The following AK5 variants were observed in gnomAD, a reference collection of about 807,000 sequenced individuals.
AK5 encodes adenylate kinase isoenzyme 5.
AK5 carries 27 observed loss-of-function variants against 69.5 expected under a neutral mutation model. The observed-to-expected ratio is 0.39, with a 90% confidence interval of 0.29 to 0.54. AK5 has a LOEUF of 0.54. Among genes scored for constraint, AK5 ranks in the 20% least tolerant of loss-of-function variants. The probability of loss-of-function intolerance (pLI) is 0.71; values close to 1 mark genes in which losing one functional copy is unlikely to be tolerated. For synonymous variants in AK5, 260 were observed against 244.4 expected (o/e 1.06, Z -0.60); for missense variants, 531 against 700.4 (o/e 0.76, Z 2.73).
intron 8 of AK5, among the ~76,000 whole-genome samples, chr1:77,442,708 T>C (rs959425781): frequency 1.3e-5 from 2 of 152,198 alleles, no homozygotes; most frequent in Non-Finnish European, 2.9e-5. Context: ...TCTGTCTTTG[T>C]TGAGGGGACA....
chr1:77,285,289 A>G (rs915290255), intron 1 of AK5, among the ~76,000 whole-genome samples: 19 of 152,322 alleles, frequency 1.2e-4, no homozygotes, highest in African/African-American at 3.6e-4. Flanking sequence ...CTCAACTGCA[A>G]TGTGTGTGTA....
chr1:77,298,958 G>T (rs541319353), intron 5 of AK5, among the ~76,000 whole-genome samples: 1 of 152,216 alleles, frequency 6.6e-6, no homozygotes, highest in African/African-American at 2.4e-5. Flanking sequence ...TGAGAAATAG[G>T]AGTACTGTTA....
At chr1:77,401,629 G>T (rs1420454620) in intron 6 of AK5, among the ~76,000 whole-genome samples, 1 of 152,148 alleles carries the variant, frequency 6.6e-6, no homozygotes, top group Non-Finnish European at 1.5e-5. Context: ...GTGTCTCATA[G>T]ACATAACATT....
At chr1:77,461,159 G>A (rs1052285435) in intron 8 of AK5, among the ~76,000 whole-genome samples, 7 of 150,508 alleles carry the variant, frequency 4.7e-5, no homozygotes, top group Admixed American at 1.3e-4. Flanking sequence ...TCAGCCTCCC[G>A]AGTAGCTGAG....
At chr1:77,323,944 T>C (rs1018385881) in intron 5 of AK5, among the ~76,000 whole-genome samples, 5 of 152,168 alleles carry the variant, frequency 3.3e-5, no homozygotes, top group African/African-American at 9.7e-5. Flanking sequence ...TCTAAAAATA[T>C]CCTGTGAGAA....
intron 13 of AK5, among the ~76,000 whole-genome samples, chr1:77,542,496 A>G (rs1025671443): frequency 2.0e-4 from 30 of 152,084 alleles, no homozygotes; most frequent in Admixed American, 7.9e-4. Context: ...GTTACCTGGG[A>G]CTCTTCCCTG....
At chr1:77,321,445 G>A (rs868098889) in intron 5 of AK5, among the ~76,000 whole-genome samples, 14 of 151,966 alleles carry the variant, frequency 9.2e-5, no homozygotes, top group Non-Finnish European at 1.6e-4. Context: ...CTGCAGCATG[G>A]GCAATAGATA....
intron 8 of AK5, among the ~76,000 whole-genome samples, chr1:77,478,273 G>T (rs180718604): frequency 2.0e-5 from 3 of 152,282 alleles, no homozygotes; most frequent in African/African-American, 7.2e-5. Flanking sequence ...ATATGGTTTG[G>T]CTCTGTGTCC....
At chr1:77,436,019 T>C (rs1352433692) in intron 8 of AK5, among the ~76,000 whole-genome samples, 2 of 152,188 alleles carry the variant, frequency 1.3e-5, no homozygotes, top group Non-Finnish European at 2.9e-5. Flanking sequence ...CTTTTTAAAA[T>C]AACAAGTCAC....
At chr1:77,542,117 G>A (rs984325771) in intron 13 of AK5, among the ~76,000 whole-genome samples, 13 of 152,036 alleles carry the variant, frequency 8.6e-5, no homozygotes, top group Admixed American at 7.2e-4. Context: ...TCACAAGGTC[G>A]GCAGTTCGAG....
chr1:77,506,016 T>C (rs1477165940), intron 10 of AK5, among the ~76,000 whole-genome samples: 1 of 152,104 alleles, frequency 6.6e-6, no homozygotes, highest in Admixed American at 6.6e-5. Flanking sequence ...GGAAAAATGG[T>C]GTGTTTAAAA....
At chr1:77,332,356 T>C (rs1457121728) in intron 5 of AK5, among the ~76,000 whole-genome samples, 1 of 151,136 alleles carries the variant, frequency 6.6e-6, no homozygotes, top group African/African-American at 2.4e-5. Context: ...CTCTTTATCT[T>C]TTCTTCTTTC....
Position 77,468,855 on chromosome 1 carries a change from G to A in AK5, c.1060-14462G>A, listed in dbSNP as rs368536919. On this transcript the variant is annotated intron_variant, in intron 8 of 13. Coordinates refer to ENST00000354567, the MANE Select transcript of AK5 (RefSeq NM_174858.3). ...AGTACTGTGATTTTAAGACAAACAG[G>A]AGCTATAAAGGCTGGCTTTTGAGTT... Among the ~76,000 whole-genome samples, 143 of 152,266 alleles carry A rather than the reference G, an allele frequency of 9.4e-4. 6 individuals are homozygous for A. The South Asian group carries it at 0.027, about 29-fold the overall frequency.
intron 6 of AK5, among the ~76,000 whole-genome samples, chr1:77,409,598 C>T (rs1212940950): frequency 1.3e-5 from 2 of 151,894 alleles, no homozygotes; most frequent in African/African-American, 4.8e-5. Context: ...TTGTTTTACT[C>T]TTGTAAATTT....
intron 2 of AK5, among the ~76,000 whole-genome samples, chr1:77,291,685 A>G (rs150586833): frequency 4.6e-5 from 7 of 152,222 alleles, no homozygotes; most frequent in African/African-American, 1.7e-4. Flanking sequence ...TTTATTGGAC[A>G]CTGACCATCT....
intron 13 of AK5, among the ~76,000 whole-genome samples, chr1:77,550,443 G>A (rs1196724497): frequency 6.6e-6 from 1 of 152,164 alleles, no homozygotes; most frequent in African/African-American, 2.4e-5. Flanking sequence ...GATTATAGAG[G>A]AAACACACCC....
intron 6 of AK5, among the ~76,000 whole-genome samples, chr1:77,391,307 C>T (rs1287652895): frequency 1.3e-5 from 2 of 150,276 alleles, no homozygotes; most frequent in Non-Finnish European, 3.0e-5. Flanking sequence ...TCTTAGCTGC[C>T]AACACTCACA....
intron 8 of AK5, among the ~76,000 whole-genome samples, chr1:77,474,077 C>T (rs1048212789): frequency 1.3e-5 from 2 of 152,150 alleles, no homozygotes; most frequent in Non-Finnish European, 2.9e-5. Flanking sequence ...TTAAACGGGT[C>T]AAGCTCTGGG....
chr1:77,531,989 T>TGCGGCCGG (rs1553161455), intron 12 of AK5: 2 of 148,532 alleles, frequency 1.3e-5, no homozygotes. Context: ...CCTGCGGCCA[T>TGCGGCCGG]CCGGCCGGCC....
Sources: allele counts gnomAD v4.1 joint callset (sites outside exome capture counted in the v4.1 genomes callset), GRCh38; gene constraint gnomAD v4.1.1; transcripts MANE v1.5; gene names NCBI Gene and HGNC (gene_info 2026-07-23, HGNC 2026-07-21).